Variants in SRGAP2C observed in about 807,000 individuals in gnomAD.
SRGAP2C encodes SLIT-ROBO Rho GTPase activating protein 2C.
Under a neutral mutation model 25.1 loss-of-function variants are expected in SRGAP2C, and 15 were observed. The ratio of observed to expected loss-of-function variants is 0.60; its 90% CI spans 0.40 to 0.92. The LOEUF (loss-of-function observed/expected upper bound fraction) is 0.92, where lower values mean the gene tolerates loss of function less well. Ranked by LOEUF, SRGAP2C falls within the 40% of genes least tolerant of loss-of-function variation. SRGAP2C has a pLI of 0.00. For missense variants in SRGAP2C, 144 were observed against 264.4 expected, an observed-to-expected ratio of 0.54 and a Z score of 3.16; for synonymous variants, 44 against 96.6, an observed-to-expected ratio of 0.46 and a Z score of 3.19.
chr1:121,265,213 T>C (rs1407511098), intron 2 of SRGAP2C, among the ~76,000 whole-genome samples: 25 of 145,538 alleles, frequency 1.7e-4, no homozygotes, highest in African/African-American at 6.4e-4. Flanking sequence ...AAAAAAAAAA[T>C]GAACTTCTTT....
intron 5 of SRGAP2C, among the ~76,000 whole-genome samples, chr1:121,372,159 A>G (rs1389954755): frequency 1.3e-5 from 2 of 151,520 alleles, no homozygotes; most frequent in Non-Finnish European, 1.5e-5. Flanking sequence ...ATTCAAAATG[A>G]GACATAATTT....
chr1:121,389,120 T>C lies in SRGAP2C; in HGVS notation c.*1265T>C, dbSNP rs1311922760. On this transcript the variant is annotated 3_prime_UTR_variant, in exon 10 of 10. Transcript: ENST00000367123. ...CTGCTGTACATATTGTTTTACAATC[T>C]AAGTCATATAATTATAATATTCTTT... The C allele has an allele frequency of 3.3e-5, 5 of 152,130 alleles. No homozygotes were observed. Among genetic ancestry groups the C allele is most frequent in the Non-Finnish European group, 7.4e-5 (5 of 68,012 alleles). 9.4% of individuals were successfully genotyped at this position (152,130 alleles called of 1,614,324 possible). A position where few individuals can be genotyped will look rare whatever the true frequency, so the allele number is the denominator to read the frequency against.
chr1:121,340,714 A>T (rs1451271743), intron 4 of SRGAP2C, among the ~76,000 whole-genome samples: 2 of 151,456 alleles, frequency 1.3e-5, no homozygotes, highest in African/African-American at 4.9e-5. Flanking sequence ...AATTGGGCCG[A>T]TGTTCTTTTA....
chr1:121,259,807 G>A (rs1206865388), intron 2 of SRGAP2C, among the ~76,000 whole-genome samples: 2 of 144,006 alleles, frequency 1.4e-5, no homozygotes, highest in Non-Finnish European at 3.1e-5. Flanking sequence ...TGTGAGGGGA[G>A]TTGCTTTTTA....
intron 4 of SRGAP2C, among the ~76,000 whole-genome samples, chr1:121,335,725 T>G (rs1197223855): frequency 0.58 from 82,859 of 141,860 alleles, 24,465 homozygotes; most frequent in East Asian, 0.79. Context: ...TTATTGTATG[T>G]ATATTTTTAA....
chr1:121,271,194 A>G lies in SRGAP2C; in HGVS notation c.68-13609A>G, dbSNP rs1337914550. ...TTATAATCTTTTTACTAAATATATAACAACATTGCCTTGTGGTGTTTAGAT... is the reference window on the plus strand; with the variant it reads ...TTATAATCTTTTTACTAAATATATAGCAACATTGCCTTGTGGTGTTTAGAT... On this transcript the variant is annotated intron_variant, in intron 2 of 9. Coordinates refer to ENST00000367123, the MANE Select transcript of SRGAP2C (RefSeq NM_001329984.2). Among the ~76,000 whole-genome samples the G allele has an allele frequency of 3.4e-4, 51 of 149,698 alleles. 1 individual carries two copies. Among genetic ancestry groups the G allele is most frequent in the African/African-American group, 1.2e-3 (51 of 40,814 alleles).
At chr1:121,362,407 T>G (rs1553348763) in intron 4 of SRGAP2C, among the ~76,000 whole-genome samples, 1 of 151,992 alleles carries the variant, frequency 6.6e-6, no homozygotes, top group Non-Finnish European at 1.5e-5. Context: ...TAAACAGGGA[T>G]AATAGTTGAG....
intron 3 of SRGAP2C, among the ~76,000 whole-genome samples, chr1:121,287,803 G>A (rs1193134209): frequency 1.3e-5 from 2 of 152,060 alleles, no homozygotes; most frequent in East Asian, 1.9e-4. Context: ...TCATGGTCTC[G>A]CTGGCTCAGG....
intron 2 of SRGAP2C, among the ~76,000 whole-genome samples, chr1:121,231,735 G>GT (rs1271555470): frequency 7.2e-6 from 1 of 138,824 alleles, no homozygotes; most frequent in Non-Finnish European, 1.5e-5. Context: ...TCATAAAGCT[G>GT]TAGGGGTCAA....
rs587639249 is a variant in SRGAP2C, at chr1:121,221,741, G to A, written c.67+34228G>A. On this transcript the variant is annotated intron_variant, in intron 2 of 9. Transcript: ENST00000367123. ...AAAAAAAAAAAAAAAAACATTGACT[G>A]GTCTTGGCAGTCTTTGGGTTTTATT... Among the ~76,000 whole-genome samples, 373 of 122,572 alleles carry A rather than the reference G, an allele frequency of 3.0e-3. 6 individuals are homozygous for A. The highest frequency in any genetic ancestry group is 0.012 in the African/African-American group (343 of 29,510). 80.4% of individuals were successfully genotyped at this position (122,572 alleles called of 152,430 possible).
intron 7 of SRGAP2C, among the ~76,000 whole-genome samples, chr1:121,375,156 G>A (rs1397611711): frequency 6.7e-6 from 1 of 149,994 alleles, no homozygotes; most frequent in Non-Finnish European, 1.5e-5. Context: ...ATTCTGGGAG[G>A]AAGGCATTAT....
In SRGAP2C at chr1:121,198,270, A is replaced by G. The variant is rs587624871; in HGVS notation, c.67+10757A>G. ...GGATATCATCCTTTAGGAAGAAGGC[A>G]TATTCTCTTTGTTTTTTTTTTTTGT... On this transcript the variant is annotated intron_variant, in intron 2 of 9. Transcript: ENST00000367123. Among the ~76,000 whole-genome samples, 112 of 143,942 alleles carry G rather than the reference A, an allele frequency of 7.8e-4. No homozygotes were observed. In the East Asian group the frequency reaches 0.012, roughly 16 times the overall value. 94.4% of individuals were successfully genotyped at this position (143,942 alleles called of 152,430 possible).
At position 121,288,489 on chromosome 1, in the gene SRGAP2C, G is replaced by T. The variant is rs1232498375; in HGVS notation, c.260+3494G>T. Among the ~76,000 whole-genome samples, 3 of 65,648 alleles carry T rather than the reference G, an allele frequency of 4.6e-5. No homozygotes were observed. The South Asian group carries it at 1.3e-3, about 28-fold the overall frequency. 43.1% of individuals were successfully genotyped at this position (65,648 alleles called of 152,430 possible). ...AGCTAAACACAGGGTGCTGATTGGTGTATTTACAAACCTTGAGCTAGATTC... is the reference window on the plus strand; with the variant it reads ...AGCTAAACACAGGGTGCTGATTGGTTTATTTACAAACCTTGAGCTAGATTC... On this transcript the variant is annotated intron_variant, in intron 3 of 9. Transcript: ENST00000367123.
chr1:121,228,646 T>A (rs1553327019), intron 2 of SRGAP2C, among the ~76,000 whole-genome samples: 1 of 151,644 alleles, frequency 6.6e-6, no homozygotes, highest in African/African-American at 2.4e-5. Flanking sequence ...TTCTACTACT[T>A]CATACCTTGA....
At chr1:121,373,038 G>T (rs1284320704) in intron 5 of SRGAP2C, among the ~76,000 whole-genome samples, 1 of 78,666 alleles carries the variant, frequency 1.3e-5, no homozygotes, top group Non-Finnish European at 2.5e-5. Context: ...GCACTAGGTG[G>T]CTGGAAGTAG....
chr1:121,349,235 G>A (rs1284508429), intron 4 of SRGAP2C, among the ~76,000 whole-genome samples: 4 of 151,806 alleles, frequency 2.6e-5, no homozygotes, highest in Non-Finnish European at 5.9e-5. Flanking sequence ...GGTAATAAGA[G>A]CCTGAGATGT....
At chr1:121,323,944 A>G (rs1658265936) in intron 3 of SRGAP2C, among the ~76,000 whole-genome samples, 2 of 152,182 alleles carry the variant, frequency 1.3e-5, no homozygotes, top group African/African-American at 2.4e-5. Context: ...TTCTAACCCT[A>G]GAGACAAACC....
chr1:121,359,756 T>A (rs1249837917), intron 4 of SRGAP2C, among the ~76,000 whole-genome samples: 2 of 151,970 alleles, frequency 1.3e-5, no homozygotes, highest in Non-Finnish European at 2.9e-5. Context: ...GCCTGGGCAA[T>A]AGAGCAAGAC....
chr1:121,385,077 G>A (rs1659929735), intron 8 of SRGAP2C, among the ~76,000 whole-genome samples: 1 of 151,670 alleles, frequency 6.6e-6, no homozygotes, highest in East Asian at 2.0e-4. Context: ...TCTGCAGCCA[G>A]TCTATCCCCA....
Sources: allele counts gnomAD v4.1 joint callset (sites outside exome capture counted in the v4.1 genomes callset), GRCh38; gene constraint gnomAD v4.1.1; transcripts MANE v1.5; gene names NCBI Gene and HGNC (gene_info 2026-07-23, HGNC 2026-07-21).